Variants in GPR157 observed in about 807,000 individuals in gnomAD.
The protein encoded by GPR157 is G-protein coupled receptor 157.
A neutral mutation model predicts 23.5 loss-of-function variants in GPR157; 16 were observed. That is an observed-to-expected ratio of 0.68 (90% CI 0.46 to 1.04). The LOEUF (loss-of-function observed/expected upper bound fraction) is 1.04. Ranked by LOEUF, GPR157 falls within the 50% of genes least tolerant of loss-of-function variation. The probability of loss-of-function intolerance (pLI) is 0.00; values close to 1 mark genes in which losing one functional copy is unlikely to be tolerated. For synonymous variants in GPR157, 200 were observed against 221.5 expected (o/e 0.90, Z 0.86); for missense variants, 440 against 460.7 (o/e 0.96, Z 0.41).
rs772426416 is a variant in GPR157, at chr1:9,111,396, G to C, written c.477C>G (p.Ile159Met). The change falls in exon 2 of 4, where the codon ATC becomes ATG. Residue 159 changes from isoleucine (I) to methionine (M), a missense_variant. Transcript: ENST00000377411. ...ASDVSVGWCWIDLEAKDHVLW... is the reference protein window; with the variant it reads ...ASDVSVGWCWMDLEAKDHVLW... ...GGACATGGTCCTTGGCCTCCAGGTC[G>C]ATCCAGCACCAGCCCACAGACACGT... 22 of 1,614,162 alleles carry C rather than the reference G, an allele frequency of 1.4e-5. No individual in the cohort carries two copies. The highest frequency in any genetic ancestry group is 1.8e-5 in the Non-Finnish European group (21 of 1,180,018).
chr1:9,105,477 C>G lies in GPR157; in HGVS notation c.792+9G>C. 4.5e-6 allele frequency: 7 copies of G among 1,546,794 alleles called. No individual in the cohort carries two copies. The highest frequency in any genetic ancestry group is 5.3e-6 in the Non-Finnish European group (6 of 1,142,732). ...CAGGGACGACAAGGGCCAGGGAGGG[C>G]AGACCTACATGCAGAACCACCAGCA... On this transcript the variant is annotated intron_variant, in intron 3 of 3. Transcript: ENST00000377411. This position sits in a 1 kb window ranked among gnomAD's most constrained non-coding sequence, Gnocchi z 4.8.
rs542568571 is a variant in GPR157 at position 9,102,672 on chromosome 1, C to G, written c.*1747G>C. Reference sequence around the variant, plus strand: ...CACCTATCAGGTAAAGCTGTACTTTCTCTCACCAAGACCCTGGAGGTAGCA... The same window carrying G: ...CACCTATCAGGTAAAGCTGTACTTTGTCTCACCAAGACCCTGGAGGTAGCA... On this transcript the variant is annotated 3_prime_UTR_variant, in exon 4 of 4. Coordinates refer to ENST00000377411, the MANE Select transcript of GPR157 (RefSeq NM_024980.5). 4.6e-5 allele frequency: 7 copies of G among 152,260 alleles called. No homozygotes were observed. The highest frequency in any genetic ancestry group is 1.3e-4 in the Admixed American group (2 of 15,294). The allele number at this position is 152,260 out of a possible 1,614,324, so 9.4% of individuals were successfully genotyped here.
At position 9,111,281 on chromosome 1, in the gene GPR157, T is replaced by C. The variant is rs1638486445; in HGVS notation, c.592A>G (p.Arg198Gly). ...LYLLVRKHIN[R>G]AHTALSEYRP... ...GCTCTAAGGGCAGCGCCTACCGCTC[T>C]GTTGATGTGCTTCCGGACCAGGAGG... Residue 198 changes from arginine (R) to glycine (G), a missense_variant, in exon 2 of 4, where the codon AGA becomes GGA. Arg to Gly is a moderately radical substitution (Grantham distance 125). Transcript: ENST00000377411. The C allele has an allele frequency of 6.2e-7, 1 of 1,614,150 alleles. No homozygotes were observed. The highest frequency in any genetic ancestry group is 1.3e-5 in the African/African-American group (1 of 75,062).
At chr1:9,125,376 G>C (rs1330287743) in intron 1 of GPR157, among the ~76,000 whole-genome samples, 2 of 151,964 alleles carry the variant, frequency 1.3e-5, no homozygotes, top group African/African-American at 4.8e-5. Flanking sequence ...ACCACTCCTG[G>C]CCCTGTTGGG....
In GPR157 at chr1:9,111,481, A is replaced by T. The variant is rs1557695937; in HGVS notation, c.392T>A (p.Val131Asp). 1 of 1,612,768 alleles carries T rather than the reference A, an allele frequency of 6.2e-7. No individual in the cohort carries two copies. Among genetic ancestry groups the T allele is most frequent in the Non-Finnish European group, 8.5e-7 (1 of 1,179,198 alleles). ...GGCTGCCACAGTGATGACCAACGGG[A>T]CCCCCCAGCTGAGGAAGGAGGAGAG... ...LWAFHVVSWG[V>D]PLVITVAAVA... Residue 131 changes from valine (V) to aspartate (D), a missense_variant, in exon 2 of 4, where the codon GTC becomes GAC. Coordinates refer to ENST00000377411, the MANE Select transcript of GPR157 (RefSeq NM_024980.5).
chr1:9,122,211 A>G (rs1258954073), intron 1 of GPR157, among the ~76,000 whole-genome samples: 1 of 152,190 alleles, frequency 6.6e-6, no homozygotes, highest in African/African-American at 2.4e-5. Flanking sequence ...GTAAACACAC[A>G]GCCACTCAGG....
chr1:9,120,738 G>A lies in GPR157; in HGVS notation c.383+7907C>T, dbSNP rs1335439816. ...CCACCGTCTGTAGCCCTCAGCTCAG[G>A]GATGGGCAGCCTGAGTTCTCACACC... On this transcript the variant is annotated intron_variant, in intron 1 of 3. Transcript: ENST00000377411. This position sits in a 1 kb window ranked among gnomAD's most constrained non-coding sequence, Gnocchi z 4.1. 2.0e-5 allele frequency among the ~76,000 whole-genome samples: 3 copies of A among 152,182 alleles called. No individual in the cohort carries two copies. The highest frequency in any genetic ancestry group is 4.4e-5 in the Non-Finnish European group (3 of 68,022).
chr1:9,111,548 G>GTGGTGT, intron 1 of GPR157, 59 bp from the exon 2 acceptor site: 1 of 1,431,024 alleles, frequency 7.0e-7, no homozygotes, highest in Non-Finnish European at 9.8e-7. Flanking sequence ...GGCAATGTCA[G>GTGGTGT]CCTTCGCAAA....
In GPR157 at chr1:9,102,410, CAAAAAAAAAA is replaced by C. The variant is rs67129142; in HGVS notation, c.*1999_*2008del. 2.0e-5 allele frequency: 1 copy of C among 50,174 alleles called. No homozygotes were observed. The highest frequency in any genetic ancestry group is 4.9e-5 in the Non-Finnish European group (1 of 20,354). 3.1% of individuals were successfully genotyped at this position (50,174 alleles called of 1,614,324 possible). A position where few individuals can be genotyped will look rare whatever the true frequency, so the allele number is the denominator to read the frequency against. On this transcript the variant is annotated 3_prime_UTR_variant, in exon 4 of 4. Coordinates refer to ENST00000377411, the MANE Select transcript of GPR157 (RefSeq NM_024980.5). ...TGGGCAATAGAGTGAGACTCCATCT[CAAAAAAAAAA>C]AAAAAAAAAAAGAAAGCGACAAAAA... is the stretch of plus-strand genomic sequence containing the variant.
intron 1 of GPR157, among the ~76,000 whole-genome samples, chr1:9,122,076 C>T (rs1638809610): frequency 6.6e-6 from 1 of 152,090 alleles, no homozygotes; most frequent in Non-Finnish European, 1.5e-5. Context: ...TCTGGCATCA[C>T]GCTGGCGCCC....
chr1:9,123,497 T>C (rs1638876277), intron 1 of GPR157, among the ~76,000 whole-genome samples: 1 of 91,570 alleles, frequency 1.1e-5, no homozygotes, highest in Non-Finnish European at 1.8e-5. Context: ...ATATATAAAT[T>C]ATATATTCAA....
chr1:9,107,330 G>A (rs918656668), intron 2 of GPR157, among the ~76,000 whole-genome samples: 2 of 152,186 alleles, frequency 1.3e-5, no homozygotes, highest in African/African-American at 4.8e-5. Context: ...AGATGAAACT[G>A]CTCATGATGA....
chr1:9,119,896 T>G (rs1264829505), intron 1 of GPR157, among the ~76,000 whole-genome samples: 1 of 152,200 alleles, frequency 6.6e-6, no homozygotes, highest in African/African-American at 2.4e-5. Context: ...TGAATTCCCC[T>G]GCGTGGTGTC....
rs370329485 is a variant in GPR157, at chr1:9,104,605, G to A, written c.822C>T (p.Ala274=). 5.0e-6 allele frequency: 8 copies of A among 1,611,392 alleles called. No individual in the cohort carries two copies. Among genetic ancestry groups the A allele is most frequent in the African/African-American group, 1.3e-5 (1 of 74,862 alleles). Residue 274 remains alanine (A), a synonymous_variant, in exon 4 of 4, where the codon GCC becomes GCT. Coordinates refer to ENST00000377411, the MANE Select transcript of GPR157 (RefSeq NM_024980.5). ...TGCAGAGGACGAACATGATGCAGTT[G>A]GCACCTCCCTGAAACGTGTTCCCGA... ...HGIGNTFQGG[A]NCIMFVLCTR...
In GPR157 at chr1:9,126,268, T is replaced by G. The variant is rs895663493; in HGVS notation, c.383+2377A>C. On this transcript the variant is annotated intron_variant, in intron 1 of 3. Coordinates refer to ENST00000377411, the MANE Select transcript of GPR157 (RefSeq NM_024980.5). The stretch of plus-strand genomic sequence containing the variant: ...GCCACCGTGCCCAACTCTGCCTTAC[T>G]ATTTTTTTCCTTCAAATTAAATGAG... 3.9e-5 allele frequency among the ~76,000 whole-genome samples: 6 copies of G among 152,366 alleles called. No homozygotes were observed. The South Asian group carries it at 1.2e-3, about 32-fold the overall frequency.
intron 1 of GPR157, among the ~76,000 whole-genome samples, chr1:9,127,652 C>G (rs544422111): frequency 6.6e-6 from 1 of 152,218 alleles, no homozygotes; most frequent in Non-Finnish European, 1.5e-5. Flanking sequence ...GAAGGTCAAG[C>G]GACTCTTACA....
intron 1 of GPR157, among the ~76,000 whole-genome samples, chr1:9,115,479 C>T (rs951902174): frequency 2.6e-5 from 4 of 151,882 alleles, no homozygotes; most frequent in Non-Finnish European, 4.4e-5. Context: ...TTTCCCTTAA[C>T]GGGATGAAAA....
At position 9,111,269 on chromosome 1, in the gene GPR157, C is replaced by A. The variant is rs185295163; in HGVS notation, c.597+7G>T. The A allele has an allele frequency of 2.5e-6, 4 of 1,613,610 alleles. No homozygotes were observed. The East Asian group carries it at 8.9e-5, about 36-fold the overall frequency. ...AGAGGGCCCTGAGCTCTAAGGGCAG[C>A]GCCTACCGCTCTGTTGATGTGCTTC... On this transcript the variant is annotated splice_region_variant and intron_variant, in intron 2 of 3. Coordinates refer to ENST00000377411, the MANE Select transcript of GPR157 (RefSeq NM_024980.5).
intron 1 of GPR157, among the ~76,000 whole-genome samples, chr1:9,122,308 G>C (rs1638816055): frequency 6.6e-6 from 1 of 152,140 alleles, no homozygotes; most frequent in African/African-American, 2.4e-5. Flanking sequence ...CTTAAACACA[G>C]GGACTTCCCC....
Sources: allele counts gnomAD v4.1 joint callset (sites outside exome capture counted in the v4.1 genomes callset), GRCh38; gene constraint gnomAD v4.1.1; non-coding constraint Gnocchi (gnomAD v3.1); transcripts MANE v1.5; gene names NCBI Gene and HGNC (gene_info 2026-07-23, HGNC 2026-07-21).